Variants in SYTL3 observed in about 807,000 individuals in gnomAD.
SYTL3 encodes synaptotagmin-like protein 3.
SYTL3 carries 88 observed loss-of-function variants against 82.1 expected under a neutral mutation model. The ratio of observed to expected loss-of-function variants is 1.07; its 90% CI spans 0.90 to 1.28. The LOEUF (loss-of-function observed/expected upper bound fraction) is 1.28. Among genes scored for constraint, SYTL3 ranks in the 50% most tolerant of loss-of-function variants. The pLI is 0.00. For synonymous variants in SYTL3, 311 were observed against 289.4 expected, an observed-to-expected ratio of 1.07 and a Z score of -0.76; for missense variants, 831 against 757.6, an observed-to-expected ratio of 1.10 and a Z score of -1.14.
chr6:158,688,447 A>G (rs1779517678), intron 6 of SYTL3, among the ~76,000 whole-genome samples: 1 of 152,162 alleles, frequency 6.6e-6, no homozygotes, highest in South Asian at 2.1e-4. Flanking sequence ...GCTTTGAAGC[A>G]TGATTTCAAA....
intron 15 of SYTL3, among the ~76,000 whole-genome samples, chr6:158,761,122 G>A (rs1229589506): frequency 1.3e-5 from 2 of 152,072 alleles, no homozygotes; most frequent in Admixed American, 6.5e-5. Context: ...GCTCAGACGA[G>A]ATAAATCCCC....
intron 14 of SYTL3, among the ~76,000 whole-genome samples, chr6:158,758,273 TC>T (rs1041535478): frequency 4.6e-5 from 7 of 151,948 alleles, no homozygotes; most frequent in Admixed American, 6.5e-5. Context: ...ACCCCGTCTC[TC>T]TAAAAATACA....
At chr6:158,709,482 C>T (rs1408198275) in intron 8 of SYTL3, among the ~76,000 whole-genome samples, 1 of 152,070 alleles carries the variant, frequency 6.6e-6, no homozygotes, top group Non-Finnish European at 1.5e-5. Context: ...TAAGTCAAAC[C>T]ATCGTAAGTC....
intron 5 of SYTL3, among the ~76,000 whole-genome samples, chr6:158,667,665 C>A (rs567891242): frequency 6.6e-6 from 1 of 152,164 alleles, no homozygotes; most frequent in East Asian, 1.9e-4. Context: ...AGGCTCATTT[C>A]TCAAGAAAAA....
chr6:158,730,953 G>C (rs1319509284), intron 11 of SYTL3, among the ~76,000 whole-genome samples: 4 of 152,110 alleles, frequency 2.6e-5, no homozygotes, highest in Non-Finnish European at 5.9e-5. Flanking sequence ...GTCCCCATTA[G>C]GGGGGAGATT....
At chr6:158,704,538 G>A (rs1010615545) in intron 6 of SYTL3, among the ~76,000 whole-genome samples, 1 of 152,276 alleles carries the variant, frequency 6.6e-6, no homozygotes, top group Admixed American at 6.5e-5. Flanking sequence ...ACGAGGTGGG[G>A]GTGACAGTAA....
intron 8 of SYTL3, among the ~76,000 whole-genome samples, chr6:158,711,793 G>C (rs1782796188): frequency 6.6e-6 from 1 of 152,166 alleles, no homozygotes; most frequent in South Asian, 2.1e-4. Context: ...TCCTGATGTT[G>C]CCATGGCATT....
intron 12 of SYTL3, among the ~76,000 whole-genome samples, chr6:158,749,424 A>G (rs1170124516): frequency 1.4e-5 from 2 of 146,982 alleles, no homozygotes; most frequent in African/African-American, 2.5e-5. Flanking sequence ...AGAAAAAAAT[A>G]TATAATAAGG....
intron 5 of SYTL3, among the ~76,000 whole-genome samples, chr6:158,671,946 C>T (rs961392737): frequency 1.3e-5 from 2 of 152,088 alleles, no homozygotes; most frequent in African/African-American, 2.4e-5. Flanking sequence ...TCTTTGGAGA[C>T]CATGATTTCC....
intron 2 of SYTL3, among the ~76,000 whole-genome samples, chr6:158,652,233 A>G (rs527619184): frequency 7.3e-6 from 1 of 137,294 alleles, no homozygotes; most frequent in East Asian, 2.2e-4. Flanking sequence ...CAGCCTGTTT[A>G]TTTATTTACT....
intron 10 of SYTL3, among the ~76,000 whole-genome samples, chr6:158,721,430 C>T (rs542295514): frequency 6.6e-6 from 1 of 151,376 alleles, no homozygotes; most frequent in Non-Finnish European, 1.5e-5. Context: ...AGGCTGGTCT[C>T]AAACTCCTGG....
At chr6:158,678,517 T>C (rs1778309368) in intron 5 of SYTL3, among the ~76,000 whole-genome samples, 1 of 152,210 alleles carries the variant, frequency 6.6e-6, no homozygotes, top group Non-Finnish European at 1.5e-5. Flanking sequence ...TATTTTCTGG[T>C]AGAGTCCTCC....
intron 10 of SYTL3, among the ~76,000 whole-genome samples, chr6:158,723,430 C>T (rs896980168): frequency 6.6e-6 from 1 of 152,116 alleles, no homozygotes; most frequent in Non-Finnish European, 1.5e-5. Flanking sequence ...CCTCCACTGA[C>T]GTTGACTCCA....
chr6:158,726,106 C>T (rs969385805), intron 11 of SYTL3: 15 of 422,318 alleles, frequency 3.6e-5, no homozygotes, highest in Non-Finnish European at 5.1e-5. Flanking sequence ...TAATAGTTAT[C>T]AAAAATTGAA....
chr6:158,673,903 G>A (rs1777693672), intron 5 of SYTL3, among the ~76,000 whole-genome samples: 1 of 150,714 alleles, frequency 6.6e-6, no homozygotes, highest in Non-Finnish European at 1.5e-5. Flanking sequence ...GGCCAACATG[G>A]TGAAACCCTG....
At position 158,764,534 on chromosome 6, in the gene SYTL3, C is replaced by A. The variant is rs755226340; in HGVS notation, c.1763C>A (p.Ser588Ter). Residue 588 changes from serine to a stop codon, truncating the protein, a stop_gained, in exon 18 of 18, where the codon TCG becomes TAG. Transcript: ENST00000611299. LOFTEE classifies it high-confidence loss of function. Reference sequence around the variant, plus strand: ...GTTGGCGGGGATGCATGCTCACTATCGAAGCTCCAGTGGCAGAAAGTCCTT... The same window carrying A: ...GTTGGCGGGGATGCATGCTCACTATAGAAGCTCCAGTGGCAGAAAGTCCTT... ...TAVGGDACSL[S>*]KLQWQKVLSS... The A allele has an allele frequency of 6.2e-7, 1 of 1,614,050 alleles. No homozygotes were observed. Among genetic ancestry groups the A allele is most frequent in the Non-Finnish European group, 8.5e-7 (1 of 1,179,982 alleles).
chr6:158,707,531 C>T (rs185767535), intron 7 of SYTL3, among the ~76,000 whole-genome samples: 67 of 152,210 alleles, frequency 4.4e-4, no homozygotes, highest in Non-Finnish European at 8.2e-4. Flanking sequence ...TTCTTAAATT[C>T]TCCTGAAGTG....
chr6:158,649,780 T>C (rs1445796833), upstream of SYTL3, among the ~76,000 whole-genome samples: 6 of 152,100 alleles, frequency 3.9e-5, no homozygotes, highest in Non-Finnish European at 8.8e-5. Context: ...CTGTAGGGAG[T>C]TTCCTTAGGA....
chr6:158,654,565 A>T (rs1014793632), intron 2 of SYTL3, among the ~76,000 whole-genome samples: 4 of 152,068 alleles, frequency 2.6e-5, no homozygotes, highest in African/African-American at 9.7e-5. Flanking sequence ...TGAAGGGGAG[A>T]TGGAAGGGTA....
Sources: gnomAD v4.1 joint callset for allele counts (sites outside exome capture counted in the v4.1 genomes callset) on GRCh38, gnomAD v4.1.1 for gene constraint, MANE v1.5 for transcripts, NCBI Gene and HGNC (gene_info 2026-07-23, HGNC 2026-07-21) for gene names.